Variants in AK9 observed in about 807,000 individuals in gnomAD.
AK9 encodes adenylate kinase domain containing 1.
AK9 carries 191 observed loss-of-function variants against 239.6 expected under a neutral mutation model. The observed-to-expected ratio is 0.80, with a 90% CI of 0.71 to 0.90. The LOEUF is 0.90. AK9 is among the 40% of genes least tolerant of loss of function. The probability of loss-of-function intolerance (pLI) is 0.00; values close to 1 mark genes in which losing one functional copy is unlikely to be tolerated. For synonymous variants in AK9, 689 were observed against 721.0 expected, an observed-to-expected ratio of 0.96 and a Z score of 0.71; for missense variants, 1,995 against 2,214.7, an observed-to-expected ratio of 0.90 and a Z score of 1.99.
At chr6:109,498,151 C>A (rs1212847720) in intron 36 of AK9, among the ~76,000 whole-genome samples, 186 bp from the exon 37 acceptor site, 1 of 152,172 alleles carries the variant, frequency 6.6e-6, no homozygotes, top group East Asian at 1.9e-4. Flanking sequence ...TGATCACATC[C>A]AAGATTTATC....
chr6:109,635,238 G>A (rs569252211), intron 10 of AK9, among the ~76,000 whole-genome samples: 70 of 152,350 alleles, frequency 4.6e-4, no homozygotes, highest in African/African-American at 1.7e-3. Flanking sequence ...GCAGATGGAT[G>A]AGTGGTAACT....
intron 1 of AK9, among the ~76,000 whole-genome samples, chr6:109,690,101 A>T (rs1027758745): frequency 6.6e-6 from 1 of 152,210 alleles, no homozygotes; most frequent in Admixed American, 6.5e-5. Context: ...CATGAATGTT[A>T]TCTGGGTATG....
At chr6:109,595,418 T>G (rs1790888281) in intron 17 of AK9, among the ~76,000 whole-genome samples, 1 of 152,316 alleles carries the variant, frequency 6.6e-6, no homozygotes, top group African/African-American at 2.4e-5. Flanking sequence ...GTAAATTAGT[T>G]CAACCATTGT....
At chr6:109,602,731 T>C (rs1393966124) in intron 17 of AK9, among the ~76,000 whole-genome samples, 10 of 152,328 alleles carry the variant, frequency 6.6e-5, no homozygotes, top group African/African-American at 1.9e-4. Context: ...GATTTGGTCT[T>C]TTCACATAGT....
At chr6:109,569,598 C>T (rs976923118) in intron 21 of AK9, among the ~76,000 whole-genome samples, 1 of 152,126 alleles carries the variant, frequency 6.6e-6, no homozygotes. Context: ...AATCGAACAA[C>T]CCCATCAAAA....
intron 8 of AK9, among the ~76,000 whole-genome samples, chr6:109,649,815 C>T (rs541163505): frequency 1.6e-4 from 24 of 151,992 alleles, no homozygotes; most frequent in South Asian, 6.2e-4. Flanking sequence ...GGAGGCATCA[C>T]GCTACCTGAC....
intron 8 of AK9, among the ~76,000 whole-genome samples, chr6:109,649,586 G>T (rs1168489974): frequency 2.6e-5 from 4 of 152,110 alleles, no homozygotes; most frequent in Non-Finnish European, 5.9e-5. Context: ...AATAAAAGAG[G>T]ACACAAACAA....
chr6:109,673,616 A>G (rs1457426368), intron 3 of AK9, among the ~76,000 whole-genome samples: 2 of 152,130 alleles, frequency 1.3e-5, no homozygotes, highest in Admixed American at 1.3e-4. Flanking sequence ...GTTATCATTG[A>G]AGACAATTAA....
At chr6:109,650,921 G>A (rs1562553879) in intron 8 of AK9, among the ~76,000 whole-genome samples, 1 of 152,146 alleles carries the variant, frequency 6.6e-6, no homozygotes, top group Non-Finnish European at 1.5e-5. Context: ...ATGAGTTCAT[G>A]TCCTTTGTAG....
chr6:109,545,658 T>G (rs1783454130), intron 26 of AK9, among the ~76,000 whole-genome samples: 1 of 152,086 alleles, frequency 6.6e-6, no homozygotes, highest in Non-Finnish European at 1.5e-5. Flanking sequence ...AATTGCCTGG[T>G]CTCGGTATGT....
At chr6:109,605,873 T>C (rs1297540571) in intron 17 of AK9, among the ~76,000 whole-genome samples, 1 of 152,142 alleles carries the variant, frequency 6.6e-6, no homozygotes, top group Non-Finnish European at 1.5e-5. Flanking sequence ...GGTGAAAACC[T>C]TCCCCAGGAT....
intron 35 of AK9, among the ~76,000 whole-genome samples, chr6:109,505,953 T>G (rs1778077651): frequency 6.6e-6 from 1 of 152,146 alleles, no homozygotes; most frequent in Non-Finnish European, 1.5e-5. Flanking sequence ...TCCTCATAGA[T>G]GGTGCTCTCT....
At chr6:109,644,274 C>T (rs1583395125) in intron 9 of AK9, among the ~76,000 whole-genome samples, 1 of 152,080 alleles carries the variant, frequency 6.6e-6, no homozygotes, top group Non-Finnish European at 1.5e-5. Flanking sequence ...TTACTTTGGT[C>T]ATCCTAGAAG....
chr6:109,600,136 G>A (rs1320811207), intron 17 of AK9, among the ~76,000 whole-genome samples: 1 of 152,168 alleles, frequency 6.6e-6, no homozygotes, highest in Non-Finnish European at 1.5e-5. Context: ...TGGTGAGAGA[G>A]GGCATCCCTG....
Position 109,509,332 on chromosome 6 carries a change from C to G in AK9, c.4328G>C (p.Gly1443Ala), listed in dbSNP as rs1360605993. The change falls in exon 33 of 41, where the codon GGA (glycine) becomes GCA (alanine). Residue 1443 changes from glycine to alanine, a missense_variant. By Grantham distance (60) the Gly-to-Ala change is moderately conservative. Around this residue, in one of 5 missense-constraint regions of AK9, gnomAD observed 1,290 missense variants for 1,392.7 expected, o/e 0.93. Transcript: ENST00000424296. Reference sequence around the variant, plus strand: ...GTTTAGTACATAACGCAAAGCTCCTCCTATTGATAAATGCTTTAACCCATA... The same window carrying G: ...GTTTAGTACATAACGCAAAGCTCCTGCTATTGATAAATGCTTTAACCCATA... ...SEYGLKHLSI[G>A]GALRYVLNNH... The G allele has an allele frequency of 4.5e-6, 7 of 1,551,552 alleles. No homozygotes were observed. The East Asian group carries it at 1.7e-4, about 38-fold the overall frequency.
At chr6:109,618,338 C>A (rs1486822107) in intron 13 of AK9, among the ~76,000 whole-genome samples, 1 of 151,500 alleles carries the variant, frequency 6.6e-6, no homozygotes, top group Non-Finnish European at 1.5e-5. Context: ...TACAAGACTA[C>A]CAACTAGAGA....
intron 9 of AK9, 40 bp downstream of exon 9, chr6:109,644,574 T>C (rs1348471671): frequency 2.6e-6 from 4 of 1,522,924 alleles, no homozygotes; most frequent in Non-Finnish European, 3.6e-6. Flanking sequence ...GATTTAAATT[T>C]TCCATGCTGT....
chr6:109,554,790 C>A (rs1020291164), intron 24 of AK9, among the ~76,000 whole-genome samples: 1 of 152,130 alleles, frequency 6.6e-6, no homozygotes, highest in African/African-American at 2.4e-5. Flanking sequence ...CCTTGGCCTT[C>A]CAAAGTGCTG....
intron 24 of AK9, among the ~76,000 whole-genome samples, chr6:109,552,414 G>A (rs1485309775): frequency 2.0e-5 from 3 of 152,102 alleles, no homozygotes; most frequent in East Asian, 3.8e-4. Context: ...GGTGTGAGAT[G>A]GTATCTCAGT....
Sources: gnomAD v4.1 joint callset for allele counts (sites outside exome capture counted in the v4.1 genomes callset) on GRCh38, gnomAD v4.1.1 for gene constraint, gnomAD v4.1.1 regional missense constraint, MANE v1.5 for transcripts, NCBI Gene and HGNC (gene_info 2026-07-23, HGNC 2026-07-21) for gene names.